Variants in DCT observed in about 807,000 individuals in gnomAD.
DCT encodes the protein L-dopachrome tautomerase.
Under a neutral mutation model 53.0 loss-of-function variants are expected in DCT, and 47 were observed. The ratio of observed to expected loss-of-function variants is 0.89; its 90% CI spans 0.70 to 1.13. The LOEUF (loss-of-function observed/expected upper bound fraction) is 1.13. DCT is among the 50% of genes most tolerant of loss of function. DCT has a pLI of 0.00. For missense variants in DCT, 669 were observed against 637.4 expected (o/e 1.05, Z -0.53); for synonymous variants, 244 against 237.0 (o/e 1.03, Z -0.27).
chr13:94,548,630 A>C, the DCT span, among the ~76,000 whole-genome samples: 1 of 151,742 alleles, frequency 6.6e-6, no homozygotes, highest in African/African-American at 2.4e-5. Context: ...TTTTCTTTCT[A>C]GGACACCCAG....
chr13:94,443,751 T>A, intron 6 of DCT, 114 bp from the exon 7 acceptor site: 2 of 811,758 alleles, frequency 2.5e-6, no homozygotes. Context: ...GGAACTTCTG[T>A]ATACCCATGT....
chr13:94,520,630 C>G, the DCT span, among the ~76,000 whole-genome samples: 1 of 152,120 alleles, frequency 6.6e-6, no homozygotes, highest in African/African-American at 2.4e-5. Flanking sequence ...ACCTAGCCTG[C>G]CTTCCTTTCT....
At chr13:94,494,346 T>C in the DCT span, among the ~76,000 whole-genome samples, 1 of 152,218 alleles carries the variant, frequency 6.6e-6, no homozygotes, top group Non-Finnish European at 1.5e-5. Context: ...ATCATTTTGT[T>C]TGTGCTCCTT....
chr13:94,540,755 A>C, the DCT span, among the ~76,000 whole-genome samples: 1 of 152,102 alleles, frequency 6.6e-6, no homozygotes, highest in Non-Finnish European at 1.5e-5. Context: ...TCAAAAAACA[A>C]AAAAAATAGA....
the DCT span, among the ~76,000 whole-genome samples, chr13:94,529,386 G>A: frequency 0.4 from 61,379 of 151,900 alleles, 13,131 homozygotes; most frequent in East Asian, 0.62. Context: ...CCACATAATT[G>A]TTAGTAAAAC....
At chr13:94,548,342 G>C in the DCT span, among the ~76,000 whole-genome samples, 1 of 151,928 alleles carries the variant, frequency 6.6e-6, no homozygotes, top group African/African-American at 2.4e-5. Flanking sequence ...GAATAAGAGA[G>C]AACACACAGT....
chr13:94,527,843 G>A, the DCT span, among the ~76,000 whole-genome samples: 1 of 151,960 alleles, frequency 6.6e-6, no homozygotes, highest in Non-Finnish European at 1.5e-5. Context: ...ACTTCTCCAA[G>A]CTAAAGGAGC....
At chr13:94,477,022 A>G (rs1885131982) in intron 1 of DCT, among the ~76,000 whole-genome samples, 1 of 152,240 alleles carries the variant, frequency 6.6e-6, no homozygotes, top group Non-Finnish European at 1.5e-5. Flanking sequence ...GGGCAAAACC[A>G]GGACCTAGAT....
At chr13:94,449,225 A>T (rs1293819220) in intron 6 of DCT, among the ~76,000 whole-genome samples, 1 of 152,244 alleles carries the variant, frequency 6.6e-6, no homozygotes, top group Admixed American at 6.5e-5. Flanking sequence ...ACCTGCAGGC[A>T]TAAAGAAAAT....
the DCT span, among the ~76,000 whole-genome samples, chr13:94,520,058 T>C: frequency 6.6e-6 from 1 of 152,182 alleles, no homozygotes; most frequent in Admixed American, 6.5e-5. Flanking sequence ...ACATTCTCAA[T>C]AATCTCAATG....
At chr13:94,468,646 G>A in intron 2 of DCT, 100 bp downstream of exon 2, 2 of 1,037,348 alleles carry the variant, frequency 1.9e-6, no homozygotes, top group Non-Finnish European at 2.8e-6. Context: ...CCTTGTGGTT[G>A]CTCTCTTAAT....
chr13:94,521,191 C>T, the DCT span, among the ~76,000 whole-genome samples: 1 of 152,126 alleles, frequency 6.6e-6, no homozygotes, highest in African/African-American at 2.4e-5. Flanking sequence ...TGAGTTTCTG[C>T]TACATATCTC....
the DCT span, among the ~76,000 whole-genome samples, chr13:94,512,921 A>G: frequency 1.3e-5 from 2 of 152,188 alleles, no homozygotes; most frequent in Non-Finnish European, 2.9e-5. Context: ...AGGTAACAAG[A>G]TTTGAAGAGG....
At chr13:94,502,414 G>C in the DCT span, among the ~76,000 whole-genome samples, 1 of 152,174 alleles carries the variant, frequency 6.6e-6, no homozygotes, top group African/African-American at 2.4e-5. Context: ...AGCAGGTATT[G>C]CCATAGTTCT....
intron 7 of DCT, among the ~76,000 whole-genome samples, chr13:94,440,933 G>A (rs943334746): frequency 2.6e-5 from 4 of 151,912 alleles, no homozygotes; most frequent in African/African-American, 7.3e-5. Context: ...CACCTGCCTC[G>A]GCCTCCCAAA....
the DCT span, among the ~76,000 whole-genome samples, chr13:94,484,849 T>C: frequency 1.3e-5 from 2 of 152,154 alleles, no homozygotes; most frequent in Non-Finnish European, 2.9e-5. Context: ...AAGTTGGGAA[T>C]TGAATGTAGG....
the DCT span, among the ~76,000 whole-genome samples, chr13:94,518,158 G>T: frequency 8.9e-6 from 1 of 112,308 alleles, no homozygotes; most frequent in East Asian, 2.4e-4. Context: ...AGGAAGGAAT[G>T]AAGGAAGGAA....
rs775243122 is a variant in DCT, at chr13:94,438,676, G to A, written c.*1222C>T. Reference sequence around the variant, plus strand: ...AAGAGCCATTAACTTCTCTGAAGTGGGGTCCATCATGATAAGTCTGAACAT... The same window carrying A: ...AAGAGCCATTAACTTCTCTGAAGTGAGGTCCATCATGATAAGTCTGAACAT... On this transcript the variant is annotated 3_prime_UTR_variant, in exon 8 of 8. Coordinates refer to ENST00000377028, the MANE Select transcript of DCT (RefSeq NM_001922.5). The A allele has an allele frequency of 1.4e-4, 62 of 455,708 alleles. No homozygotes were observed. The highest frequency in any genetic ancestry group is 9.9e-4 in the Admixed American group (42 of 42,538). The allele number at this position is 455,708 out of a possible 1,614,324, so 28.2% of individuals were successfully genotyped here.
At chr13:94,495,694 T>A in the DCT span, among the ~76,000 whole-genome samples, 3,303 of 152,298 alleles carry the variant, frequency 0.022, 115 homozygotes, top group African/African-American at 0.075. Flanking sequence ...TATTAATTTT[T>A]ACCCTCTCTC....
Sources: allele counts gnomAD v4.1 joint callset (sites outside exome capture counted in the v4.1 genomes callset), GRCh38; gene constraint gnomAD v4.1.1; transcripts MANE v1.5; gene names NCBI Gene and HGNC (gene_info 2026-07-23, HGNC 2026-07-21).